RGS6: variants seen among roughly 807,000 people sequenced by gnomAD.
The protein encoded by RGS6 is regulator of G protein signaling 6, also known as regulator of G-protein signaling 6.
RGS6 carries 30 observed loss-of-function variants against 78.5 expected under a neutral mutation model. The observed-to-expected ratio is 0.38, with a 90% CI of 0.29 to 0.52. The LOEUF is 0.52. RGS6 is among the 20% of genes least tolerant of loss of function. The probability of loss-of-function intolerance (pLI) is 0.85; values close to 1 mark genes in which losing one functional copy is unlikely to be tolerated. For synonymous variants in RGS6, 206 were observed against 206.0 expected (o/e 1.00, Z 0.00); for missense variants, 495 against 609.7 (o/e 0.81, Z 1.98).
At chr14:71,957,612 G>T (rs2092889032) in intron 1 of RGS6, among the ~76,000 whole-genome samples, 1 of 152,128 alleles carries the variant, frequency 6.6e-6, no homozygotes, top group Non-Finnish European at 1.5e-5. Flanking sequence ...TCAGAGCCCT[G>T]GTGAGAGAGG....
intron 2 of RGS6, among the ~76,000 whole-genome samples, chr14:72,224,455 TG>T (rs1464977410): frequency 1.5e-4 from 4 of 27,216 alleles, no homozygotes; most frequent in Non-Finnish European, 3.8e-4. Flanking sequence ...GGTTTGGGTG[TG>T]GGTTTTTTTT....
At chr14:72,495,438 T>G (rs1376332864) in intron 13 of RGS6, among the ~76,000 whole-genome samples, 176 bp downstream of exon 13, 1 of 152,188 alleles carries the variant, frequency 6.6e-6, no homozygotes, top group Non-Finnish European at 1.5e-5. Flanking sequence ...TAGCTTTGAT[T>G]TGTGCATGGA....
intron 2 of RGS6, among the ~76,000 whole-genome samples, chr14:72,103,746 A>G (rs1042384690): frequency 6.6e-6 from 1 of 152,232 alleles, no homozygotes; most frequent in Non-Finnish European, 1.5e-5. Flanking sequence ...TGCTGGAAGC[A>G]TGCAAGGCCA....
chr14:72,192,244 A>G lies in RGS6; in HGVS notation c.85-159851A>G, dbSNP rs1567428908. On this transcript the variant is annotated intron_variant, in intron 2 of 17. Transcript: ENST00000553525. Reference sequence around the variant, plus strand: ...TCCTGGTGGGGAGTGTGACACCACCATCTTGTTCACCATTTGCAGAGTTCT... The same window carrying G: ...TCCTGGTGGGGAGTGTGACACCACCGTCTTGTTCACCATTTGCAGAGTTCT... Among the ~76,000 whole-genome samples, 5 of 152,210 alleles carry G rather than the reference A, an allele frequency of 3.3e-5. No homozygotes were observed. The South Asian group carries it at 1.0e-3, about 32-fold the overall frequency.
chr14:72,617,344 C>T, the RGS6 span, among the ~76,000 whole-genome samples: 1 of 152,074 alleles, frequency 6.6e-6, no homozygotes, highest in African/African-American at 2.4e-5. Flanking sequence ...CCTTTGGAGA[C>T]AGCCTGCTTT....
At chr14:72,410,780 T>C (rs1297837603) in intron 3 of RGS6, among the ~76,000 whole-genome samples, 4 of 152,244 alleles carry the variant, frequency 2.6e-5, no homozygotes, top group Admixed American at 1.3e-4. Context: ...TTCAGCTTTC[T>C]ACATATGGCT....
chr14:71,973,331 C>T (rs897471932), intron 2 of RGS6, among the ~76,000 whole-genome samples: 10 of 150,480 alleles, frequency 6.6e-5, no homozygotes, highest in African/African-American at 1.2e-4. Flanking sequence ...AAACAAATGG[C>T]TTTTGGTCTT....
At chr14:72,472,394 G>C (rs1019692034) in intron 8 of RGS6, among the ~76,000 whole-genome samples, 8 of 152,098 alleles carry the variant, frequency 5.3e-5, no homozygotes, top group African/African-American at 9.7e-5. Context: ...CATAATTGCA[G>C]CATTTTAAAG....
chr14:72,340,874 A>G (rs765791457), intron 2 of RGS6, among the ~76,000 whole-genome samples: 1 of 152,156 alleles, frequency 6.6e-6, no homozygotes, highest in Non-Finnish European at 1.5e-5. Context: ...TGAGAACTGA[A>G]TCTTCCCTCC....
intron 2 of RGS6, 61 bp from the exon 3 acceptor site, chr14:72,352,034 G>T (rs2079191048): frequency 2.3e-6 from 3 of 1,291,812 alleles, no homozygotes; most frequent in Non-Finnish European, 3.3e-6. Context: ...TGTTTAAAAA[G>T]GTACCATTTA....
intron 16 of RGS6, among the ~76,000 whole-genome samples, chr14:72,538,364 T>C (rs2097277175): frequency 6.6e-6 from 1 of 152,234 alleles, no homozygotes; most frequent in African/African-American, 2.4e-5. Context: ...TCATCCCTAA[T>C]TCAGCCTCTT....
At chr14:72,284,294 G>A (rs771283502) in intron 2 of RGS6, among the ~76,000 whole-genome samples, 1 of 152,214 alleles carries the variant, frequency 6.6e-6, no homozygotes, top group African/African-American at 2.4e-5. Flanking sequence ...TGGGGAAAAT[G>A]TCTCCAGGGC....
chr14:72,571,976 A>G, the RGS6 span, among the ~76,000 whole-genome samples: 3 of 152,228 alleles, frequency 2.0e-5, no homozygotes, highest in East Asian at 1.9e-4. Context: ...AAATAATGCA[A>G]TTAAATGCTG....
At position 71,964,791 on chromosome 14, in the gene RGS6, G is replaced by T. The variant is rs1566921344; in HGVS notation, c.-1G>T. 2 of 1,612,944 alleles carry T rather than the reference G, an allele frequency of 1.2e-6. No homozygotes were observed. Among genetic ancestry groups the T allele is most frequent in the Non-Finnish European group, 1.7e-6 (2 of 1,179,578 alleles). ...TTGCAGTGTGAGTGAAGACACTCAGGATGGCTCAAGGATCCGGGGATCAAA... is the reference window on the plus strand; with the variant it reads ...TTGCAGTGTGAGTGAAGACACTCAGTATGGCTCAAGGATCCGGGGATCAAA... On this transcript the variant is annotated 5_prime_UTR_variant, in exon 2 of 18. Transcript: ENST00000553525.
intron 2 of RGS6, among the ~76,000 whole-genome samples, chr14:72,181,395 G>A (rs1333399281): frequency 1.3e-5 from 2 of 152,196 alleles, no homozygotes; most frequent in Non-Finnish European, 2.9e-5. Context: ...TGATCATAAG[G>A]TGCTGAGAGG....
chr14:72,145,827 G>C (rs1380527513), intron 2 of RGS6, among the ~76,000 whole-genome samples: 1 of 152,130 alleles, frequency 6.6e-6, no homozygotes, highest in Non-Finnish European at 1.5e-5. Flanking sequence ...TATAAGTGTG[G>C]TAAATGACAG....
chr14:72,616,444 AT>A, the RGS6 span, among the ~76,000 whole-genome samples: 59 of 152,266 alleles, frequency 3.9e-4, 2 homozygotes, highest in South Asian at 9.6e-3. Flanking sequence ...AGCCCTGGCA[AT>A]ATAAACTCCC....
chr14:72,171,180 AAAAG>A (rs2097011110), intron 2 of RGS6, among the ~76,000 whole-genome samples: 1 of 152,106 alleles, frequency 6.6e-6, no homozygotes, highest in Non-Finnish European at 1.5e-5. Context: ...AGGAGGAAAA[AAAAG>A]CTGAAGGGAT....
chr14:72,539,102 C>T (rs548868040), intron 16 of RGS6, among the ~76,000 whole-genome samples: 5 of 152,168 alleles, frequency 3.3e-5, no homozygotes, highest in South Asian at 2.1e-4. Context: ...TCTACTCTCC[C>T]GGAACCCCTG....
Sources: gnomAD v4.1 joint callset for allele counts (sites outside exome capture counted in the v4.1 genomes callset) on GRCh38, gnomAD v4.1.1 for gene constraint, MANE v1.5 for transcripts, NCBI Gene and HGNC (gene_info 2026-07-23, HGNC 2026-07-21) for gene names.